ABCC1: variants seen among roughly 807,000 people sequenced by gnomAD.
ABCC1 encodes multidrug resistance-associated protein 1.
Under a neutral mutation model 172.9 loss-of-function variants are expected in ABCC1, and 83 were observed. That is an observed-to-expected ratio of 0.48 (90% CI 0.40 to 0.58). ABCC1 has a LOEUF of 0.58. Among genes scored for constraint, ABCC1 ranks in the 20% least tolerant of loss-of-function variants. The pLI is 0.00. For synonymous variants in ABCC1, 937 were observed against 825.2 expected (o/e 1.14, Z -2.32); for missense variants, 1,817 against 2,002.7 (o/e 0.91, Z 1.77).
intron 12 of ABCC1, among the ~76,000 whole-genome samples, chr16:16,059,412 T>C (rs896256598): frequency 2.0e-5 from 3 of 152,220 alleles, no homozygotes; most frequent in African/African-American, 4.8e-5. Flanking sequence ...TGGGTGTGGC[T>C]GTGTTCCTGT....
intron 1 of ABCC1, among the ~76,000 whole-genome samples, chr16:15,994,746 CT>C (rs1032584691): frequency 6.6e-6 from 1 of 151,788 alleles, no homozygotes; most frequent in African/African-American, 2.4e-5. Context: ...GATTAATTAG[CT>C]TTTTTTCTTT....
chr16:16,121,242 C>T (rs2045142859), intron 23 of ABCC1, among the ~76,000 whole-genome samples: 1 of 152,160 alleles, frequency 6.6e-6, no homozygotes, highest in Admixed American at 6.5e-5. Flanking sequence ...TGGCATTTTG[C>T]CATGTGCCTG....
intron 6 of ABCC1, among the ~76,000 whole-genome samples, chr16:16,034,023 C>CTTT (rs10580146): frequency 0.08 from 6,870 of 86,222 alleles, 840 homozygotes; most frequent in East Asian, 0.29. Flanking sequence ...TAAGCATCAT[C>CTTT]TTTTTTTTTT....
Position 16,106,724 on chromosome 16 carries a change from C to G in ABCC1, c.2736-14C>G. On this transcript the variant is annotated splice_polypyrimidine_tract_variant and intron_variant, in intron 20 of 30. Coordinates refer to ENST00000399410, the MANE Select transcript of ABCC1 (RefSeq NM_004996.4). Reference sequence around the variant, plus strand: ...CATCTGTACGGTTGACACCCTTGTGCTTTGCTTCTCCAGACAGCTCAGCAG... The same window carrying G: ...CATCTGTACGGTTGACACCCTTGTGGTTTGCTTCTCCAGACAGCTCAGCAG... 1 of 1,613,870 alleles carries G rather than the reference C, an allele frequency of 6.2e-7. No individual in the cohort carries two copies. The highest frequency in any genetic ancestry group is 1.1e-5 in the South Asian group (1 of 91,082).
intron 1 of ABCC1, among the ~76,000 whole-genome samples, chr16:15,993,116 T>C (rs1173311283): frequency 1.3e-5 from 2 of 152,206 alleles, no homozygotes; most frequent in African/African-American, 4.8e-5. Context: ...CTTTCATCTT[T>C]GATGGACTAT....
intron 1 of ABCC1, among the ~76,000 whole-genome samples, chr16:15,976,656 G>C (rs2046498603): frequency 6.6e-6 from 1 of 152,170 alleles, no homozygotes; most frequent in Non-Finnish European, 1.5e-5. Flanking sequence ...GGGGGCTTCA[G>C]CATTTTGGCA....
chr16:15,970,057 A>G (rs1202069213), intron 1 of ABCC1, among the ~76,000 whole-genome samples: 1 of 152,108 alleles, frequency 6.6e-6, no homozygotes, highest in Non-Finnish European at 1.5e-5. Flanking sequence ...GGAGAGAAAA[A>G]AGGAGACTCC....
At chr16:16,128,906 G>A (rs149968970) in intron 26 of ABCC1, among the ~76,000 whole-genome samples, 7,694 of 152,172 alleles carry the variant, frequency 0.051, 284 homozygotes, top group Non-Finnish European at 0.074. Flanking sequence ...GAGGTGGGAG[G>A]ATCGCTGGAA....
intron 8 of ABCC1, 130 bp from the exon 9 acceptor site, chr16:16,045,706 T>C (rs1362926188): frequency 1.1e-6 from 1 of 923,866 alleles, no homozygotes; most frequent in Admixed American, 2.5e-5. Context: ...TGTTTTTCCA[T>C]CTATGAAATT....
chr16:16,124,749 G>A, intron 24 of ABCC1, 40 bp from the exon 25 acceptor site: 1 of 1,613,238 alleles, frequency 6.2e-7, no homozygotes, highest in Non-Finnish European at 8.5e-7. Flanking sequence ...CTGTAGAGCT[G>A]ACTCCATGCC....
Position 16,138,481 on chromosome 16 carries a change from C to T in ABCC1, c.4410C>T (p.Ser1470=), listed in dbSNP as rs761554185. ...TGGAAACGGACGACCTCATCCAGTC[C>T]ACCATCCGGACACAGTTCGAGGACT... ...VDLETDDLIQ[S]TIRTQFEDCT... Residue 1470 remains serine, a synonymous_variant, in exon 30 of 31, where the codon TCC becomes TCT. Transcript: ENST00000399410. 1 of 1,613,346 alleles carries T rather than the reference C, an allele frequency of 6.2e-7. No individual in the cohort carries two copies. Among genetic ancestry groups the T allele is most frequent in the Non-Finnish European group, 8.5e-7 (1 of 1,179,458 alleles).
intron 21 of ABCC1, among the ~76,000 whole-genome samples, chr16:16,108,894 A>C (rs1283119732): frequency 1.3e-5 from 2 of 151,760 alleles, no homozygotes; most frequent in Non-Finnish European, 2.9e-5. Flanking sequence ...ACCTGGCCAC[A>C]CACTTGTCAT....
At chr16:16,112,376 A>AC (rs1293878982) in intron 22 of ABCC1, among the ~76,000 whole-genome samples, 7 of 143,702 alleles carry the variant, frequency 4.9e-5, no homozygotes, top group African/African-American at 1.4e-4. Context: ...AAAATAAACA[A>AC]AAAAAAAAAA....
intron 1 of ABCC1, among the ~76,000 whole-genome samples, chr16:15,952,801 A>G (rs1048663664): frequency 7.0e-5 from 10 of 142,966 alleles, no homozygotes; most frequent in Admixed American, 4.3e-4. Flanking sequence ...AGGCTGAGGC[A>G]GGCGGATTGC....
At chr16:15,970,992 C>G (rs1253396830) in intron 1 of ABCC1, among the ~76,000 whole-genome samples, 3 of 152,120 alleles carry the variant, frequency 2.0e-5, no homozygotes, top group African/African-American at 7.2e-5. Flanking sequence ...GCTTGTGTGA[C>G]TTTGGTAAGA....
intron 12 of ABCC1, among the ~76,000 whole-genome samples, chr16:16,059,334 G>A (rs1326218624): frequency 4.6e-5 from 7 of 152,146 alleles, no homozygotes; most frequent in Middle Eastern, 3.2e-3. Context: ...GGGCCATACA[G>A]TCTCTGTCAC....
At chr16:16,040,100 ATG>A (rs1175763540) in intron 7 of ABCC1, among the ~76,000 whole-genome samples, 2 of 150,168 alleles carry the variant, frequency 1.3e-5, no homozygotes, top group African/African-American at 5.0e-5. Context: ...GTATGTATGT[ATG>A]TATGTATTTT....
upstream of ABCC1, among the ~76,000 whole-genome samples, chr16:15,949,333 G>A (rs2045792965): frequency 1.3e-5 from 2 of 152,008 alleles, no homozygotes; most frequent in Admixed American, 1.3e-4. Context: ...AAAAGTGGTC[G>A]CAGGGTGTGT....
intron 22 of ABCC1, 86 bp downstream of exon 22, chr16:16,111,668 A>G: frequency 1.5e-6 from 2 of 1,311,828 alleles, no homozygotes; most frequent in Non-Finnish European, 2.1e-6. Context: ...TAGAGTCCTC[A>G]GCGTTTTGTG....
Sources: allele counts gnomAD v4.1 joint callset (sites outside exome capture counted in the v4.1 genomes callset), GRCh38; gene constraint gnomAD v4.1.1; transcripts MANE v1.5; gene names NCBI Gene and HGNC (gene_info 2026-07-23, HGNC 2026-07-21).